The following LHFPL3 variants were observed in gnomAD, a reference collection of about 807,000 sequenced individuals.
The protein encoded by LHFPL3 is LHFPL tetraspan subfamily member 3.
LHFPL3 carries 5 observed loss-of-function variants against 19.3 expected under a neutral mutation model. The ratio of observed to expected loss-of-function variants is 0.26; its 90% confidence interval spans 0.14 to 0.54. The LOEUF (loss-of-function observed/expected upper bound fraction) is 0.54, where lower values mean the gene tolerates loss of function less well. Ranked by LOEUF, LHFPL3 falls within the 20% of genes least tolerant of loss-of-function variation. LHFPL3 has a pLI of 0.94. For missense variants in LHFPL3, 249 were observed against 307.4 expected, an observed-to-expected ratio of 0.81 and a Z score of 1.42; for synonymous variants, 133 against 126.2, an observed-to-expected ratio of 1.05 and a Z score of -0.36.
At chr7:104,866,318 AT>A (rs1381323635) in intron 2 of LHFPL3, among the ~76,000 whole-genome samples, 2 of 152,218 alleles carry the variant, frequency 1.3e-5, no homozygotes, top group African/African-American at 4.8e-5. Context: ...AGTGTGCTGT[AT>A]TCAAGAAACC....
chr7:104,865,449 T>A (rs1412694266), intron 2 of LHFPL3, among the ~76,000 whole-genome samples: 1 of 152,192 alleles, frequency 6.6e-6, no homozygotes, highest in African/African-American at 2.4e-5. Context: ...AGTAGCCGAT[T>A]CGATCAACTG....
rs530231117 is a variant in LHFPL3 at position 104,441,956 on chromosome 7, G to T, written c.445+112732G>T. Among the ~76,000 whole-genome samples the T allele has an allele frequency of 7.2e-5, 11 of 152,184 alleles. No individual in the cohort carries two copies. In the East Asian group the frequency reaches 7.7e-4, roughly 11 times the overall value. ...ACGTCAGTTATATTCTTAATTTTTT[G>T]AAGAAGTCTCGGTACTGTTTTCCAT... On this transcript the variant is annotated intron_variant, in intron 1 of 2. Coordinates refer to ENST00000424859, the MANE Select transcript of LHFPL3 (RefSeq NM_199000.3).
chr7:104,845,937 G>C (rs1444167239), intron 2 of LHFPL3, among the ~76,000 whole-genome samples: 2 of 152,212 alleles, frequency 1.3e-5, no homozygotes, highest in African/African-American at 2.4e-5. Context: ...CCAAGTAACA[G>C]GGCTAAAATG....
At chr7:104,686,090 C>A (rs1336532384) in intron 1 of LHFPL3, among the ~76,000 whole-genome samples, 2 of 152,202 alleles carry the variant, frequency 1.3e-5, no homozygotes, top group Non-Finnish European at 2.9e-5. Context: ...CTGAGCAAAG[C>A]ACTATCAGGG....
chr7:104,823,731 C>T (rs557243857), intron 2 of LHFPL3, among the ~76,000 whole-genome samples: 3 of 152,216 alleles, frequency 2.0e-5, no homozygotes, highest in Admixed American at 6.5e-5. Flanking sequence ...TTCAATTTCT[C>T]GCTCCGCTTC....
chr7:104,792,702 A>G (rs1790048172), intron 2 of LHFPL3, among the ~76,000 whole-genome samples: 1 of 152,202 alleles, frequency 6.6e-6, no homozygotes, highest in African/African-American at 2.4e-5. Flanking sequence ...GAAAAATGAG[A>G]TGATCCACAA....
At chr7:104,893,652 A>G (rs994326650) in intron 2 of LHFPL3, among the ~76,000 whole-genome samples, 3 of 152,190 alleles carry the variant, frequency 2.0e-5, no homozygotes, top group Non-Finnish European at 4.4e-5. Context: ...ACAAACATTT[A>G]TTAAATGCTA....
intron 1 of LHFPL3, among the ~76,000 whole-genome samples, chr7:104,608,024 A>G (rs1791137817): frequency 6.6e-6 from 1 of 152,232 alleles, no homozygotes; most frequent in Non-Finnish European, 1.5e-5. Context: ...GTGGAGAAAT[A>G]GGAACACTTT....
intron 1 of LHFPL3, among the ~76,000 whole-genome samples, chr7:104,444,692 A>T (rs911741474): frequency 2.0e-5 from 3 of 152,136 alleles, no homozygotes; most frequent in African/African-American, 7.2e-5. Flanking sequence ...TTAATTTTTT[A>T]AAGGAATATT....
intron 1 of LHFPL3, among the ~76,000 whole-genome samples, chr7:104,356,387 G>T (rs899274938): frequency 1.3e-5 from 2 of 152,148 alleles, no homozygotes; most frequent in African/African-American, 4.8e-5. Flanking sequence ...CTGATAGTAA[G>T]GAATAATCAA....
intron 1 of LHFPL3, among the ~76,000 whole-genome samples, chr7:104,655,189 A>AT (rs1171154140): frequency 6.6e-6 from 1 of 151,866 alleles, no homozygotes; most frequent in Non-Finnish European, 1.5e-5. Context: ...AATGTCTTTT[A>AT]TTTTTCACTC....
intron 1 of LHFPL3, among the ~76,000 whole-genome samples, chr7:104,623,244 C>T (rs1433241054): frequency 1.3e-5 from 2 of 151,048 alleles, no homozygotes; most frequent in African/African-American, 4.9e-5. Context: ...GCAATGCAAT[C>T]TTGATATTCC....
intron 2 of LHFPL3, among the ~76,000 whole-genome samples, chr7:104,901,670 C>T (rs1018961635): frequency 2.0e-5 from 3 of 152,074 alleles, no homozygotes; most frequent in Non-Finnish European, 2.9e-5. Flanking sequence ...TGGTCTCAAA[C>T]GATCCTCCCA....
chr7:104,606,158 G>T (rs908276470), intron 1 of LHFPL3, among the ~76,000 whole-genome samples: 10 of 152,108 alleles, frequency 6.6e-5, no homozygotes, highest in African/African-American at 2.4e-4. Flanking sequence ...ACCACACCTG[G>T]CCAAAAAGAC....
At chr7:104,783,127 G>C (rs1789845091) in intron 2 of LHFPL3, among the ~76,000 whole-genome samples, 5 of 152,248 alleles carry the variant, frequency 3.3e-5, no homozygotes, top group Admixed American at 3.3e-4. Flanking sequence ...AGAAATGCTA[G>C]ATGTGGGAAC....
intron 1 of LHFPL3, among the ~76,000 whole-genome samples, chr7:104,539,235 G>GCTTCC (rs1346439550): frequency 6.6e-6 from 1 of 152,156 alleles, no homozygotes; most frequent in African/African-American, 2.4e-5. Context: ...GAAAACTAAT[G>GCTTCC]AAGTGGGTAT....
chr7:104,328,714 TGC>T lies in LHFPL3; in HGVS notation c.-61_-60del. On this transcript the variant is annotated 5_prime_UTR_variant, in exon 1 of 3. Coordinates refer to ENST00000424859, the MANE Select transcript of LHFPL3 (RefSeq NM_199000.3). The surrounding 1 kb of genome is among the most constrained non-coding windows in gnomAD (Gnocchi z 4.6). Reference sequence around the variant, plus strand: ...CGCGAGGCTCCGTGAGTGTGTCTCCTGCGCGCTGAGAGGCGGGGGGAGGCGGA... The same window carrying T: ...CGCGAGGCTCCGTGAGTGTGTCTCCTGCGCTGAGAGGCGGGGGGAGGCGGA... The T allele has an allele frequency of 7.0e-7, 1 of 1,423,816 alleles. No homozygotes were observed. 88.2% of individuals were successfully genotyped at this position (1,423,816 alleles called of 1,614,324 possible). A position where few individuals can be genotyped will look rare whatever the true frequency, so the allele number is the denominator to read the frequency against.
chr7:104,563,796 C>G (rs2115961427), intron 1 of LHFPL3, among the ~76,000 whole-genome samples: 1 of 152,282 alleles, frequency 6.6e-6, no homozygotes, highest in Non-Finnish European at 1.5e-5. Flanking sequence ...GACTCCAGAA[C>G]TATAAGAAAT....
At chr7:104,708,360 A>C (rs1411684066) in intron 1 of LHFPL3, among the ~76,000 whole-genome samples, 1 of 152,230 alleles carries the variant, frequency 6.6e-6, no homozygotes, top group Non-Finnish European at 1.5e-5. Context: ...CTGTACTTCC[A>C]TTAGAAGAGA....
Sources: gnomAD v4.1 joint callset for allele counts (sites outside exome capture counted in the v4.1 genomes callset) on GRCh38, gnomAD v4.1.1 for gene constraint, Gnocchi (gnomAD v3.1) non-coding constraint, MANE v1.5 for transcripts, NCBI Gene and HGNC (gene_info 2026-07-23, HGNC 2026-07-21) for gene names.